TBX15: variants seen among roughly 807,000 people sequenced by gnomAD.
The protein encoded by TBX15 is T-box transcription factor 15, also known as T-box transcription factor TBX15.
TBX15 carries 18 observed loss-of-function variants against 53.9 expected under a neutral mutation model. The observed-to-expected ratio is 0.33, with a 90% confidence interval of 0.23 to 0.49. TBX15 has a LOEUF of 0.49. TBX15 is among the 20% of genes least tolerant of loss of function. The pLI is 0.98. For missense variants in TBX15, 692 were observed against 749.5 expected, an observed-to-expected ratio of 0.92 and a Z score of 0.90; for synonymous variants, 295 against 278.0, an observed-to-expected ratio of 1.06 and a Z score of -0.61.
chr1:118,930,033 C>A (rs1177634251), intron 2 of TBX15, among the ~76,000 whole-genome samples: 1 of 152,132 alleles, frequency 6.6e-6, no homozygotes, highest in Non-Finnish European at 1.5e-5. Context: ...AGTTATCCAG[C>A]CCATCTTCTC....
Position 118,926,627 on chromosome 1 carries a change from A to G in TBX15, c.420-16T>C, listed in dbSNP as rs377387853. ...AAACATCCTCCTATGAAGATGAATAAAACAGAAAGCTCAGAAATCAGGGTG... is the reference window on the plus strand; with the variant it reads ...AAACATCCTCCTATGAAGATGAATAGAACAGAAAGCTCAGAAATCAGGGTG... On this transcript the variant is annotated splice_polypyrimidine_tract_variant and intron_variant, in intron 2 of 7. Coordinates refer to ENST00000369429, the MANE Select transcript of TBX15 (RefSeq NM_001330677.2). 2.5e-4 allele frequency: 399 copies of G among 1,607,452 alleles called. 3 individuals are homozygous for G. In the South Asian group the frequency reaches 4.0e-3, roughly 16 times the overall value.
chr1:118,913,452 G>A (rs1359598595), intron 6 of TBX15, among the ~76,000 whole-genome samples: 2 of 152,084 alleles, frequency 1.3e-5, no homozygotes, highest in African/African-American at 2.4e-5. Flanking sequence ...AAAGAATTTC[G>A]AGAAAAGAAA....
chr1:118,920,900 G>T (rs1655402391), intron 5 of TBX15, among the ~76,000 whole-genome samples: 1 of 152,066 alleles, frequency 6.6e-6, no homozygotes, highest in South Asian at 2.1e-4. Flanking sequence ...GAAACAGGAG[G>T]TTTAACAATG....
chr1:118,942,548 A>G (rs754645333), intron 1 of TBX15, among the ~76,000 whole-genome samples: 14 of 152,272 alleles, frequency 9.2e-5, no homozygotes, highest in East Asian at 1.9e-4. Flanking sequence ...CATGTTCCCA[A>G]TGAAATCCCT....
intron 1 of TBX15, among the ~76,000 whole-genome samples, chr1:118,977,071 T>A (rs193198289): frequency 6.6e-6 from 1 of 152,326 alleles, no homozygotes; most frequent in Non-Finnish European, 1.5e-5. Flanking sequence ...ATTTCATAGA[T>A]GCAGAAACTA....
At chr1:118,955,852 G>T (rs1486566416) in intron 1 of TBX15, among the ~76,000 whole-genome samples, 2 of 152,172 alleles carry the variant, frequency 1.3e-5, no homozygotes, top group African/African-American at 2.4e-5. Context: ...AGGTATAAAA[G>T]ATCGTCTACC....
At chr1:118,956,873 G>A (rs1322418883) in intron 1 of TBX15, among the ~76,000 whole-genome samples, 1 of 151,364 alleles carries the variant, frequency 6.6e-6, no homozygotes, top group Non-Finnish European at 1.5e-5. Flanking sequence ...TGATGCAGGA[G>A]AATGGCATGA....
chr1:118,983,826 C>T (rs1416953973), intron 1 of TBX15, among the ~76,000 whole-genome samples: 4 of 152,218 alleles, frequency 2.6e-5, no homozygotes, highest in Admixed American at 2.0e-4. Flanking sequence ...GTCTGAGCTC[C>T]GGCCTGTGCC....
intron 4 of TBX15, 92 bp from the exon 5 acceptor site, chr1:118,923,695 T>A: frequency 6.8e-7 from 1 of 1,472,784 alleles, no homozygotes; most frequent in Non-Finnish European, 9.5e-7. Context: ...TGAAGCACTA[T>A]AGGAAAAGCA....
At chr1:118,901,783 T>C (rs1470731926) in intron 6 of TBX15, among the ~76,000 whole-genome samples, 1 of 152,164 alleles carries the variant, frequency 6.6e-6, no homozygotes, top group African/African-American at 2.4e-5. Context: ...CTGGTTCCAT[T>C]ACCAATAAGT....
rs369735948 is a variant in TBX15, at chr1:118,888,724, G to A, written c.1025-3208C>T. The stretch of plus-strand genomic sequence containing the variant: ...ATCTGGTGTTTATGTGGTCCCTGAG[G>A]AGACCACCTGTTCAGCATGTCATAC... On this transcript the variant is annotated intron_variant, in intron 7 of 7. Coordinates refer to ENST00000369429, the MANE Select transcript of TBX15 (RefSeq NM_001330677.2). 3.3e-5 allele frequency among the ~76,000 whole-genome samples: 5 copies of A among 152,128 alleles called. No homozygotes were observed. In the East Asian group the frequency reaches 9.6e-4, roughly 29 times the overall value.
chr1:118,934,038 A>G (rs189726307), intron 1 of TBX15, among the ~76,000 whole-genome samples: 1 of 152,280 alleles, frequency 6.6e-6, no homozygotes, highest in African/African-American at 2.4e-5. Context: ...CTGAGATTGG[A>G]ATTGGGACTA....
intron 6 of TBX15, among the ~76,000 whole-genome samples, chr1:118,906,671 G>A (rs1571162450): frequency 6.6e-6 from 1 of 152,302 alleles, no homozygotes; most frequent in East Asian, 1.9e-4. Context: ...CTCAGGTTAA[G>A]TATCAACCTC....
At position 118,987,918 on chromosome 1, in the gene TBX15, A is replaced by G; in HGVS notation, c.-123T>C. ...GGCGGAGGCGCGTCGGACGAGGCTG[A>G]GACTGCGGCTCGCGGGTCTCTCCAC... On this transcript the variant is annotated 5_prime_UTR_variant, in exon 1 of 8. Transcript: ENST00000369429. 8.0e-7 allele frequency: 1 copy of G among 1,242,444 alleles called. No individual in the cohort carries two copies. The highest frequency in any genetic ancestry group is 1.1e-6 in the Non-Finnish European group (1 of 904,622). The allele number at this position is 1,242,444 out of a possible 1,614,324, so 77.0% of individuals were successfully genotyped here. A position where few individuals can be genotyped will look rare whatever the true frequency, so the allele number is the denominator to read the frequency against.
chr1:118,987,897 G>A lies in TBX15; in HGVS notation c.-102C>T. On this transcript the variant is annotated 5_prime_UTR_variant, in exon 1 of 8. Transcript: ENST00000369429. ...CACCGGGCCCGGCCCGGGAGAGGCG[G>A]AGGCGCGTCGGACGAGGCTGAGACT... The A allele has an allele frequency of 7.0e-7, 1 of 1,432,618 alleles. No individual in the cohort carries two copies. The highest frequency in any genetic ancestry group is 9.4e-7 in the Non-Finnish European group (1 of 1,063,758). The allele number at this position is 1,432,618 out of a possible 1,614,324, so 88.7% of individuals were successfully genotyped here. A position where few individuals can be genotyped will look rare whatever the true frequency, so the allele number is the denominator to read the frequency against.
chr1:118,945,096 A>G (rs1315578332), intron 1 of TBX15, among the ~76,000 whole-genome samples: 4 of 152,182 alleles, frequency 2.6e-5, no homozygotes, highest in Non-Finnish European at 1.5e-5. Context: ...AGGAAAGTCA[A>G]TCAGAAAATG....
At chr1:118,917,756 T>C (rs1023852727) in intron 5 of TBX15, among the ~76,000 whole-genome samples, 4 of 152,300 alleles carry the variant, frequency 2.6e-5, no homozygotes, top group Non-Finnish European at 4.4e-5. Context: ...ATCTCTTCTC[T>C]ATCCAGCACC....
intron 1 of TBX15, among the ~76,000 whole-genome samples, chr1:118,978,705 T>A (rs185098761): frequency 3.9e-5 from 6 of 152,292 alleles, no homozygotes; most frequent in African/African-American, 1.4e-4. Flanking sequence ...GACATATATA[T>A]CCACATAAGT....
intron 1 of TBX15, among the ~76,000 whole-genome samples, chr1:118,962,167 A>C (rs1656898010): frequency 6.6e-6 from 1 of 152,180 alleles, no homozygotes; most frequent in South Asian, 2.1e-4. Flanking sequence ...TTTTTGTAGA[A>C]CTCTAAGGAA....
Sources: allele counts gnomAD v4.1 joint callset (sites outside exome capture counted in the v4.1 genomes callset), GRCh38; gene constraint gnomAD v4.1.1; transcripts MANE v1.5; gene names NCBI Gene and HGNC (gene_info 2026-07-23, HGNC 2026-07-21).